GAK: variants seen among roughly 807,000 people sequenced by gnomAD.
GAK encodes cyclin G associated kinase.
GAK carries 79 observed loss-of-function variants against 143.9 expected under a neutral mutation model. The observed-to-expected ratio is 0.55, with a 90% CI of 0.46 to 0.66. The LOEUF (loss-of-function observed/expected upper bound fraction) is 0.66, where lower values mean the gene tolerates loss of function less well. GAK is among the 30% of genes least tolerant of loss of function. The pLI is 0.00. For synonymous variants in GAK, 881 were observed against 765.5 expected (o/e 1.15, Z -2.49); for missense variants, 1,693 against 1,779.7 (o/e 0.95, Z 0.88).
rs561286936 is a variant in GAK at position 919,192 on chromosome 4, G to A, written c.146-5524C>T. 2.1e-5 allele frequency among the ~76,000 whole-genome samples: 3 copies of A among 145,358 alleles called. No individual in the cohort carries two copies. The South Asian group carries it at 6.6e-4, about 32-fold the overall frequency. On this transcript the variant is annotated intron_variant, in intron 1 of 27. Transcript: ENST00000314167. ...GACAGAAGGCTCCAAAGGTCTCAGT[G>A]TTGCATGACCTTAGCAGGACAGAAG... is the stretch of plus-strand genomic sequence containing the variant.
intron 1 of GAK, among the ~76,000 whole-genome samples, chr4:922,468 T>C (rs935154844): frequency 1.3e-5 from 2 of 149,740 alleles, no homozygotes; most frequent in African/African-American, 4.9e-5. Flanking sequence ...TGAGCTGAGA[T>C]TGCGCCACTG....
Position 890,472 on chromosome 4 carries a change from G to C in GAK, c.1081+60C>G, listed in dbSNP as rs370167688. 1.3e-3 allele frequency: 1,637 copies of C among 1,294,066 alleles called. 44 individuals are homozygous for C. In the South Asian group the frequency reaches 0.021, roughly 17 times the overall value. The allele number at this position is 1,294,066 out of a possible 1,614,324, so 80.2% of individuals were successfully genotyped here. A position where few individuals can be genotyped will look rare whatever the true frequency, so the allele number is the denominator to read the frequency against. On this transcript the variant is annotated intron_variant, in intron 10 of 27. Coordinates refer to ENST00000314167, the MANE Select transcript of GAK (RefSeq NM_005255.4). ...CCCAGACTCCATCCCAATGTGCTGC[G>C]GGTGCCCGGGGTGCAGCAGGAGCGA...
chr4:881,803 C>T (rs1715164793), intron 15 of GAK, 104 bp downstream of exon 15: 2 of 1,346,174 alleles, frequency 1.5e-6, no homozygotes, highest in Admixed American at 5.3e-5. Context: ...CCCACCAGCG[C>T]CTGCAGCGGC....
chr4:851,638 G>T, intron 25 of GAK, 112 bp downstream of exon 25: 1 of 1,145,560 alleles, frequency 8.7e-7, no homozygotes, highest in Non-Finnish European at 1.3e-6. Flanking sequence ...TGGCTTGGCC[G>T]TGCCTGTCCC....
chr4:904,440 G>A (rs1720677039), intron 5 of GAK, among the ~76,000 whole-genome samples, 197 bp downstream of exon 5: 1 of 148,914 alleles, frequency 6.7e-6, no homozygotes, highest in Admixed American at 6.7e-5. Context: ...TAACCGAGCG[G>A]GACCCGCACA....
chr4:904,907 A>G, intron 4 of GAK, 128 bp from the exon 5 acceptor site: 1 of 889,206 alleles, frequency 1.1e-6, no homozygotes, highest in South Asian at 1.7e-5. Flanking sequence ...CACCTAAGTA[A>G]CAAAACGACC....
chr4:884,734 A>G (rs997400197), intron 11 of GAK, among the ~76,000 whole-genome samples: 1 of 152,216 alleles, frequency 6.6e-6, no homozygotes, highest in Non-Finnish European at 1.5e-5. Context: ...CAGCTGTGTA[A>G]GAATGGCCAA....
In GAK at chr4:868,972, G is replaced by A. The variant is rs1386483310; in HGVS notation, c.2249-287C>T. 8 of 435,090 alleles carry A rather than the reference G, an allele frequency of 1.8e-5. No individual in the cohort carries two copies. In the Admixed American group the frequency reaches 1.9e-4, roughly 10 times the overall value. 27.0% of individuals were successfully genotyped at this position (435,090 alleles called of 1,614,324 possible). A position where few individuals can be genotyped will look rare whatever the true frequency, so the allele number is the denominator to read the frequency against. ...GCATCAAACGCCACACATATGCAGG[G>A]TACACATGAATGCACACACACAGCT... On this transcript the variant is annotated intron_variant, in intron 19 of 27. Coordinates refer to ENST00000314167, the MANE Select transcript of GAK (RefSeq NM_005255.4).
chr4:901,415 C>G (rs1185364954), intron 5 of GAK, among the ~76,000 whole-genome samples: 2 of 152,170 alleles, frequency 1.3e-5, no homozygotes, highest in African/African-American at 2.4e-5. Flanking sequence ...CCTTGGATCC[C>G]CCACCTAGGG....
intron 23 of GAK, among the ~76,000 whole-genome samples, chr4:863,570 C>T (rs542849248): frequency 6.6e-6 from 1 of 152,306 alleles, no homozygotes; most frequent in Admixed American, 6.5e-5. Context: ...GCCACAGCCA[C>T]CCCAGCCTTC....
chr4:900,103 G>T (rs1167285677), intron 5 of GAK, among the ~76,000 whole-genome samples: 4 of 152,268 alleles, frequency 2.6e-5, no homozygotes, highest in Non-Finnish European at 4.4e-5. Context: ...GCCACTGAAG[G>T]CCCAGGAGTG....
At chr4:894,175 G>C in intron 7 of GAK, 166 bp from the exon 8 acceptor site, 1 of 740,206 alleles carries the variant, frequency 1.4e-6, no homozygotes, top group Non-Finnish European at 2.0e-6. Flanking sequence ...GGAACACAGG[G>C]GTGATATCGG....
intron 4 of GAK, 124 bp from the exon 5 acceptor site, chr4:904,903 A>C: frequency 5.3e-6 from 5 of 942,832 alleles, no homozygotes; most frequent in Admixed American, 2.7e-5. Flanking sequence ...TCCACACCTA[A>C]GTAACAAAAC....
chr4:890,397 T>C (rs1717400211), intron 10 of GAK, 135 bp downstream of exon 10: 4 of 615,072 alleles, frequency 6.5e-6, no homozygotes, highest in Admixed American at 6.3e-5. Flanking sequence ...TCAGGGACCC[T>C]GACCTCACAG....
chr4:870,860 A>C lies in GAK; in HGVS notation c.2099T>G (p.Leu700Ter). Reference protein sequence around the residue: ...ACDIQEKYPDLFQVNLEVEVE... With the variant: ...ACDIQEKYPD Reference sequence around the variant, plus strand: ...CTCCACTTCCAGGTTCACTTGAAATAAATCCGGGTATTTTTCTTGAATGTC... The same window carrying C: ...CTCCACTTCCAGGTTCACTTGAAATCAATCCGGGTATTTTTCTTGAATGTC... The change falls in exon 19 of 28, where the codon TTA becomes TGA. Residue 700 changes from leucine to a stop codon, truncating the protein, a stop_gained. Coordinates refer to ENST00000314167, the MANE Select transcript of GAK (RefSeq NM_005255.4). LOFTEE classifies it high-confidence loss of function. 2 of 1,613,872 alleles carry C rather than the reference A, an allele frequency of 1.2e-6. No homozygotes were observed. The highest frequency in any genetic ancestry group is 1.7e-6 in the Non-Finnish European group (2 of 1,179,914).
intron 18 of GAK, chr4:872,185 C>G (rs1348221790): frequency 6.6e-6 from 1 of 152,266 alleles, no homozygotes; most frequent in Non-Finnish European, 1.5e-5. Context: ...CTCTAGTTCA[C>G]CCCTTCCTGC....
In GAK at chr4:931,389, C is replaced by A. The variant is rs112511690; in HGVS notation, c.145+654G>T. Among the ~76,000 whole-genome samples, 7 of 152,184 alleles carry A rather than the reference C, an allele frequency of 4.6e-5. No homozygotes were observed. In the East Asian group the frequency reaches 1.4e-3, roughly 29 times the overall value. ...GGTGTTGAAAGACGAAGGGGGATCA[C>A]GAGACACAGCCCAGTCTACCCTCGG... On this transcript the variant is annotated intron_variant, in intron 1 of 27. Transcript: ENST00000314167.
chr4:886,029 G>A (rs1284683715), intron 11 of GAK: 1 of 152,268 alleles, frequency 6.6e-6, no homozygotes, highest in Non-Finnish European at 1.5e-5. Flanking sequence ...GCCCCCCGAA[G>A]TGCTGGGATT....
intron 23 of GAK, among the ~76,000 whole-genome samples, chr4:864,098 C>G (rs1317759683): frequency 6.6e-6 from 1 of 152,218 alleles, no homozygotes; most frequent in East Asian, 1.9e-4. Flanking sequence ...GTGGCTCACG[C>G]CTGTAATCCC....
Sources: allele counts gnomAD v4.1 joint callset (sites outside exome capture counted in the v4.1 genomes callset), GRCh38; gene constraint gnomAD v4.1.1; transcripts MANE v1.5; gene names NCBI Gene and HGNC (gene_info 2026-07-23, HGNC 2026-07-21).